The following CPNE8 variants were observed in gnomAD, a reference collection of about 807,000 sequenced individuals.
CPNE8 encodes copine-8.
A neutral mutation model predicts 81.5 loss-of-function variants in CPNE8; 45 were observed. The ratio of observed to expected loss-of-function variants is 0.55; its 90% CI spans 0.44 to 0.71. The LOEUF is 0.71. Among genes scored for constraint, CPNE8 ranks in the 30% least tolerant of loss-of-function variants. The pLI, the probability that CPNE8 is intolerant of heterozygous loss-of-function variation, is 0.00. For missense variants in CPNE8, 594 were observed against 672.1 expected, an observed-to-expected ratio of 0.88 and a Z score of 1.28; for synonymous variants, 252 against 226.3, an observed-to-expected ratio of 1.11 and a Z score of -1.02.
intron 6 of CPNE8, among the ~76,000 whole-genome samples, chr12:38,806,986 G>A (rs1942823583): frequency 6.6e-6 from 1 of 150,564 alleles, no homozygotes; most frequent in African/African-American, 2.4e-5. Context: ...AATCATGAGT[G>A]AACTCCCATT....
In CPNE8 at chr12:38,711,720, C is replaced by T. The variant is rs755176224; in HGVS notation, c.915-8799G>A. On this transcript the variant is annotated intron_variant, in intron 13 of 19. Transcript: ENST00000331366. ...CTGACCTCAGGTGATCCACCCGCCT[C>T]GGCCTCCCAAAGTGCTGGGATTACA... Among the ~76,000 whole-genome samples the T allele has an allele frequency of 5.9e-5, 9 of 152,270 alleles. No homozygotes were observed. The East Asian group carries it at 7.7e-4, about 13-fold the overall frequency.
intron 6 of CPNE8, among the ~76,000 whole-genome samples, chr12:38,799,937 C>T (rs1013776028): frequency 3.2e-4 from 48 of 151,274 alleles, no homozygotes; most frequent in Non-Finnish European, 6.3e-4. Flanking sequence ...CCGAATATTG[C>T]GCTTTTCAGA....
chr12:38,765,096 A>G (rs995797712), intron 8 of CPNE8, among the ~76,000 whole-genome samples: 2 of 152,192 alleles, frequency 1.3e-5, no homozygotes, highest in African/African-American at 4.8e-5. Context: ...TGAGATATTT[A>G]TGAGGCAGGC....
intron 8 of CPNE8, among the ~76,000 whole-genome samples, chr12:38,764,426 G>A (rs1941636190): frequency 6.6e-6 from 1 of 151,272 alleles, no homozygotes; most frequent in African/African-American, 2.4e-5. Context: ...GACCATCCCG[G>A]CTAAAACGGT....
intron 11 of CPNE8, among the ~76,000 whole-genome samples, chr12:38,727,130 A>T (rs1565586168): frequency 6.6e-6 from 1 of 152,112 alleles, no homozygotes; most frequent in African/African-American, 2.4e-5. Context: ...TCAAAATCAA[A>T]TTTTTTCATG....
intron 1 of CPNE8, among the ~76,000 whole-genome samples, chr12:38,894,619 G>A (rs117971247): frequency 1.2e-4 from 18 of 148,194 alleles, no homozygotes; most frequent in Middle Eastern, 3.7e-3. Context: ...TAGTTCCCAC[G>A]TATCCCTTAG....
chr12:38,678,937 T>A (rs2136652061), intron 16 of CPNE8, among the ~76,000 whole-genome samples: 1 of 151,934 alleles, frequency 6.6e-6, no homozygotes, highest in African/African-American at 2.4e-5. Flanking sequence ...TGGAAAACAA[T>A]CCAAAGCGGT....
chr12:38,839,840 C>T lies in CPNE8; in HGVS notation c.330+76G>A, dbSNP rs1943440320. ...CATGAATAACTTAATAGATGTATAA[C>T]TTTAATATTAATAAGTCAGCATAAG... On this transcript the variant is annotated intron_variant, in intron 5 of 19. Transcript: ENST00000331366. 16 of 1,287,678 alleles carry T rather than the reference C, an allele frequency of 1.2e-5. No homozygotes were observed. In the South Asian group the frequency reaches 2.6e-4, roughly 21 times the overall value. 79.8% of individuals were successfully genotyped at this position (1,287,678 alleles called of 1,614,324 possible). A position where few individuals can be genotyped will look rare whatever the true frequency, so the allele number is the denominator to read the frequency against.
At chr12:38,671,252 T>C (rs1939168687) in intron 18 of CPNE8, among the ~76,000 whole-genome samples, 1 of 152,082 alleles carries the variant, frequency 6.6e-6, no homozygotes, top group South Asian at 2.1e-4. Flanking sequence ...TTTATTTTCA[T>C]TGAAACTACA....
intron 7 of CPNE8, among the ~76,000 whole-genome samples, chr12:38,772,873 T>C (rs1330625688): frequency 6.6e-6 from 1 of 151,980 alleles, no homozygotes; most frequent in Admixed American, 6.6e-5. Context: ...GCAAATGAAG[T>C]GTCCATCAAC....
At chr12:38,722,609 A>T (rs1302424427) in intron 13 of CPNE8, among the ~76,000 whole-genome samples, 1 of 152,188 alleles carries the variant, frequency 6.6e-6, no homozygotes, top group African/African-American at 2.4e-5. Context: ...TCTGACTGTT[A>T]TTCATCATGA....
chr12:38,890,547 G>T (rs1277271608), intron 1 of CPNE8, among the ~76,000 whole-genome samples: 1 of 151,678 alleles, frequency 6.6e-6, no homozygotes, highest in Admixed American at 6.6e-5. Flanking sequence ...ACATTGTGTG[G>T]CACAAAATTT....
chr12:38,691,863 G>A (rs966921055), intron 15 of CPNE8, among the ~76,000 whole-genome samples: 3 of 152,174 alleles, frequency 2.0e-5, no homozygotes, highest in Admixed American at 6.5e-5. Flanking sequence ...TCATTCATGA[G>A]GGTGGAGCCC....
intron 16 of CPNE8, among the ~76,000 whole-genome samples, chr12:38,682,531 C>G (rs991768924): frequency 1.2e-4 from 18 of 152,340 alleles, no homozygotes; most frequent in Admixed American, 7.8e-4. Flanking sequence ...GCACTCCAGC[C>G]TGGGCGACAG....
At chr12:38,778,270 TTGTG>T (rs1374223718) in intron 6 of CPNE8, among the ~76,000 whole-genome samples, 1 of 152,104 alleles carries the variant, frequency 6.6e-6, no homozygotes, top group Non-Finnish European at 1.5e-5. Context: ...CCATCTAGGT[TTGTG>T]TAAGTACAGC....
At chr12:38,805,689 AAAG>A (rs1427397910) in intron 6 of CPNE8, among the ~76,000 whole-genome samples, 1 of 144,144 alleles carries the variant, frequency 6.9e-6, no homozygotes, top group African/African-American at 2.6e-5. Flanking sequence ...AAAAAAAAAA[AAAG>A]AACTAGAAAA....
chr12:38,794,170 AG>A (rs1480171055), intron 6 of CPNE8, among the ~76,000 whole-genome samples: 1 of 152,192 alleles, frequency 6.6e-6, no homozygotes, highest in East Asian at 1.9e-4. Flanking sequence ...CCAAAAGTAC[AG>A]GCAACGAAAA....
At chr12:38,734,275 A>C (rs965855318) in intron 10 of CPNE8, among the ~76,000 whole-genome samples, 4 of 152,028 alleles carry the variant, frequency 2.6e-5, no homozygotes, top group African/African-American at 9.7e-5. Context: ...CTTGCCAGTG[A>C]TATTAACAAA....
intron 1 of CPNE8, among the ~76,000 whole-genome samples, chr12:38,901,485 A>C (rs978864639): frequency 6.6e-6 from 1 of 152,204 alleles, no homozygotes; most frequent in Non-Finnish European, 1.5e-5. Context: ...TTTCAGAATA[A>C]AATGGAAATA....
Sources: allele counts gnomAD v4.1 joint callset (sites outside exome capture counted in the v4.1 genomes callset), GRCh38; gene constraint gnomAD v4.1.1; transcripts MANE v1.5; gene names NCBI Gene and HGNC (gene_info 2026-07-23, HGNC 2026-07-21).